The following RPH3AL variants were observed in gnomAD, a reference collection of about 807,000 sequenced individuals.
The protein encoded by RPH3AL is rab effector Noc2.
In RPH3AL, 38 loss-of-function variants were observed where a neutral mutation model predicts 43.1. That is an observed-to-expected ratio of 0.88 (90% confidence interval 0.68 to 1.15). RPH3AL has a LOEUF of 1.15. RPH3AL is among the 50% of genes most tolerant of loss of function. The probability of loss-of-function intolerance (pLI) is 0.00; values close to 1 mark genes in which losing one functional copy is unlikely to be tolerated. For missense variants in RPH3AL, 462 were observed against 423.2 expected, an observed-to-expected ratio of 1.09 and a Z score of -0.81; for synonymous variants, 189 against 176.3, an observed-to-expected ratio of 1.07 and a Z score of -0.57.
intron 7 of RPH3AL, among the ~76,000 whole-genome samples, chr17:229,456 G>A (rs906484425): frequency 6.6e-6 from 1 of 152,242 alleles, no homozygotes; most frequent in Non-Finnish European, 1.5e-5. Flanking sequence ...GGGCCACAGA[G>A]GGAAAGGAGA....
intron 5 of RPH3AL, among the ~76,000 whole-genome samples, chr17:314,712 C>CT (rs2043841086): frequency 4.3e-3 from 11 of 2,582 alleles, no homozygotes; most frequent in African/African-American, 0.015. Context: ...AGTCTCTGTG[C>CT]TCCACCTCCA....
In RPH3AL at chr17:327,545, G is replaced by T. The variant is rs760064787; in HGVS notation, c.-2C>A. Reference sequence around the variant, plus strand: ...GCTGCCGAAGATGGTGTCGGCCATGGCTCGGAGCACCCGGCTGGGGGTGGG... The same window carrying T: ...GCTGCCGAAGATGGTGTCGGCCATGTCTCGGAGCACCCGGCTGGGGGTGGG... On this transcript the variant is annotated 5_prime_UTR_variant, in exon 3 of 10. Coordinates refer to ENST00000331302, the MANE Select transcript of RPH3AL (RefSeq NM_006987.4). 1 of 1,613,580 alleles carries T rather than the reference G, an allele frequency of 6.2e-7. No individual in the cohort carries two copies. Among genetic ancestry groups the T allele is most frequent in the East Asian group, 2.2e-5 (1 of 44,880 alleles).
chr17:326,021 G>A (rs548426347), intron 3 of RPH3AL, among the ~76,000 whole-genome samples: 3 of 152,350 alleles, frequency 2.0e-5, no homozygotes, highest in South Asian at 2.1e-4. Context: ...GTCAGGGAGA[G>A]CTGAAGGGAA....
At chr17:309,606 G>A (rs530462306) in intron 5 of RPH3AL, among the ~76,000 whole-genome samples, 3 of 116,110 alleles carry the variant, frequency 2.6e-5, no homozygotes, top group African/African-American at 9.4e-5. Context: ...CCTCCTGCTG[G>A]GGGTCCAGGA....
intron 5 of RPH3AL, among the ~76,000 whole-genome samples, chr17:307,718 C>T (rs1320078062): frequency 5.3e-5 from 8 of 152,192 alleles, no homozygotes; most frequent in African/African-American, 2.4e-5. Flanking sequence ...CGATTGGCTG[C>T]CTTTGTGCTG....
intron 7 of RPH3AL, among the ~76,000 whole-genome samples, chr17:224,401 C>T (rs1338986494): frequency 6.6e-6 from 1 of 152,214 alleles, no homozygotes; most frequent in Non-Finnish European, 1.5e-5. Context: ...GACTGGCTTG[C>T]CCCTGCCCAG....
chr17:316,039 T>G, intron 5 of RPH3AL, among the ~76,000 whole-genome samples: 1 of 150,930 alleles, frequency 6.6e-6, no homozygotes. Context: ...TCCATTGACC[T>G]GTAGTCCCTG....
At chr17:237,174 G>A (rs753000602) in intron 7 of RPH3AL, among the ~76,000 whole-genome samples, 1 of 152,224 alleles carries the variant, frequency 6.6e-6, no homozygotes, top group Non-Finnish European at 1.5e-5. Flanking sequence ...GAACCAGGCT[G>A]TTCAACCCAC....
At chr17:293,471 C>T (rs2043093824) in intron 5 of RPH3AL, among the ~76,000 whole-genome samples, 1 of 151,690 alleles carries the variant, frequency 6.6e-6, no homozygotes, top group African/African-American at 2.4e-5. Context: ...TGGCTGGGGG[C>T]CGGGGCTCCG....
chr17:269,470 C>T (rs1261942774), intron 6 of RPH3AL, among the ~76,000 whole-genome samples: 2 of 152,166 alleles, frequency 1.3e-5, no homozygotes, highest in Non-Finnish European at 2.9e-5. Context: ...GAACAGTGCC[C>T]GGCACATAGC....
rs534658133 is a variant in RPH3AL at position 270,691 on chromosome 17, G to GA, written c.438+11076dup. Among the ~76,000 whole-genome samples, 721 of 140,980 alleles carry GA rather than the reference G, an allele frequency of 5.1e-3. 3 individuals carry two copies. Among genetic ancestry groups the GA allele is most frequent in the African/African-American group, 0.015 (575 of 38,758 alleles). The allele number at this position is 140,980 out of a possible 152,430, so 92.5% of individuals were successfully genotyped here. A position where few individuals can be genotyped will look rare whatever the true frequency, so the allele number is the denominator to read the frequency against. On this transcript the variant is annotated intron_variant, in intron 6 of 9. Transcript: ENST00000331302. Reference sequence around the variant, plus strand: ...ATCGTGAGATGCCAACTCCACAAAAGAAAAAAAAAAAAAATTTCTCCCATT... The same window carrying GA: ...ATCGTGAGATGCCAACTCCACAAAAGAAAAAAAAAAAAAAATTTCTCCCATT...
At chr17:235,770 G>A (rs1283389714) in intron 7 of RPH3AL, among the ~76,000 whole-genome samples, 2 of 140,158 alleles carry the variant, frequency 1.4e-5, no homozygotes, top group African/African-American at 5.2e-5. Context: ...AGCTGGGGTC[G>A]GCGGAGGCTC....
intron 6 of RPH3AL, 116 bp from the exon 7 acceptor site, chr17:247,401 G>C: frequency 9.2e-7 from 1 of 1,088,786 alleles, no homozygotes; most frequent in Non-Finnish European, 1.3e-6. Flanking sequence ...GTGGGAGTGG[G>C]AACTCTGGCT....
intron 6 of RPH3AL, among the ~76,000 whole-genome samples, chr17:262,951 C>T (rs575126262): frequency 9.2e-5 from 14 of 152,320 alleles, no homozygotes; most frequent in African/African-American, 2.9e-4. Context: ...TGCTTCCCCA[C>T]GTGGCCCTGC....
At position 230,622 on chromosome 17, in the gene RPH3AL, C is replaced by G. The variant is rs570341932; in HGVS notation, c.614-10886G>C. ...GCCCCAGGCTCAGGCATACAGGGGA[C>G]ATGGCCTGGTCTGGGTTGGGTGTGG... On this transcript the variant is annotated intron_variant, in intron 7 of 9. Transcript: ENST00000331302. Among the ~76,000 whole-genome samples the G allele has an allele frequency of 3.3e-5, 5 of 152,320 alleles. No homozygotes were observed. In the East Asian group the frequency reaches 9.6e-4, roughly 29 times the overall value.
intron 6 of RPH3AL, among the ~76,000 whole-genome samples, chr17:272,937 GGAGAGACCCCAGC>G (rs2042514073): frequency 1.4e-5 from 2 of 141,338 alleles, no homozygotes; most frequent in East Asian, 2.2e-4. Flanking sequence ...GCGACATCAG[GGAGAGACCCCAGC>G]AAGGGCTACG....
intron 7 of RPH3AL, among the ~76,000 whole-genome samples, chr17:222,669 G>A (rs185536282): frequency 2.0e-5 from 3 of 152,288 alleles, no homozygotes; most frequent in Admixed American, 6.5e-5. Context: ...CCAGGCTTGG[G>A]TGCTTCTGCA....
chr17:309,473 C>T, intron 5 of RPH3AL, among the ~76,000 whole-genome samples: 1 of 151,728 alleles, frequency 6.6e-6, no homozygotes. Flanking sequence ...GGGCTCCTGC[C>T]AGCCCCCCTG....
intron 1 of RPH3AL, among the ~76,000 whole-genome samples, chr17:348,162 G>GTT (rs2045280085): frequency 6.6e-6 from 1 of 151,926 alleles, no homozygotes; most frequent in Non-Finnish European, 1.5e-5. Context: ...TTACTGCAGG[G>GTT]TTCCAACTAC....
Sources: gnomAD v4.1 joint callset for allele counts (sites outside exome capture counted in the v4.1 genomes callset) on GRCh38, gnomAD v4.1.1 for gene constraint, MANE v1.5 for transcripts, NCBI Gene and HGNC (gene_info 2026-07-23, HGNC 2026-07-21) for gene names.